The following ZNF618 variants were observed in gnomAD, a reference collection of about 807,000 sequenced individuals.
ZNF618 encodes zinc finger protein 618, also known as neural precursor cell expressed, developmentally down-regulated 10.
Under a neutral mutation model 103.0 loss-of-function variants are expected in ZNF618, and 34 were observed. The ratio of observed to expected loss-of-function variants is 0.33; its 90% CI spans 0.25 to 0.44. The LOEUF (loss-of-function observed/expected upper bound fraction) is 0.44. ZNF618 is among the 20% of genes least tolerant of loss of function. ZNF618 has a pLI of 1.00. For synonymous variants in ZNF618, 551 were observed against 542.2 expected, an observed-to-expected ratio of 1.02 and a Z score of -0.23; for missense variants, 1,059 against 1,295.4, an observed-to-expected ratio of 0.82 and a Z score of 2.80.
chr9:113,900,716 A>G (rs878968853), intron 1 of ZNF618, among the ~76,000 whole-genome samples: 12 of 109,270 alleles, frequency 1.1e-4, no homozygotes, highest in Non-Finnish European at 1.7e-4. Context: ...CCTCTCCCGC[A>G]AACCCGACCT....
chr9:113,913,441 C>T (rs1451453995), intron 1 of ZNF618, among the ~76,000 whole-genome samples: 1 of 152,272 alleles, frequency 6.6e-6, no homozygotes, highest in Non-Finnish European at 1.5e-5. Context: ...AAAGAAAACA[C>T]TAGCAATGTT....
At chr9:113,925,900 T>C (rs1446049652) in intron 1 of ZNF618, among the ~76,000 whole-genome samples, 2 of 152,178 alleles carry the variant, frequency 1.3e-5, no homozygotes, top group African/African-American at 4.8e-5. Context: ...CAAACTGTTA[T>C]CTGTTAGGTA....
chr9:113,949,713 C>T (rs572492619), intron 1 of ZNF618, among the ~76,000 whole-genome samples: 24 of 152,236 alleles, frequency 1.6e-4, no homozygotes, highest in Admixed American at 3.9e-4. Context: ...ACACTGGCTC[C>T]GCCTGGGAAA....
At chr9:114,014,775 T>TC (rs926605723) in intron 9 of ZNF618, among the ~76,000 whole-genome samples, 6 of 152,038 alleles carry the variant, frequency 3.9e-5, no homozygotes, top group Non-Finnish European at 8.8e-5. Context: ...AGAATTTTTT[T>TC]TTCAGTAGGT....
At position 114,052,084 on chromosome 9, in the gene ZNF618, C is replaced by G. The variant is rs1846173064; in HGVS notation, c.*1917C>G. On this transcript the variant is annotated 3_prime_UTR_variant, in exon 15 of 15. Coordinates refer to ENST00000374126, the MANE Select transcript of ZNF618 (RefSeq NM_001318042.2). Reference sequence around the variant, plus strand: ...AAAGCATCACTCAACTGTGAGATACCTCGACTACAAAAAGCACTGTACCAC... The same window carrying G: ...AAAGCATCACTCAACTGTGAGATACGTCGACTACAAAAAGCACTGTACCAC... 6.6e-6 allele frequency: 1 copy of G among 152,614 alleles called. No homozygotes were observed. The highest frequency in any genetic ancestry group is 1.5e-5 in the Non-Finnish European group (1 of 68,060). 9.5% of individuals were successfully genotyped at this position (152,614 alleles called of 1,614,324 possible).
At chr9:114,024,888 G>A (rs111937069) in intron 10 of ZNF618, among the ~76,000 whole-genome samples, 3,228 of 152,090 alleles carry the variant, frequency 0.021, 92 homozygotes, top group African/African-American at 0.057. Context: ...TTAATTTGCC[G>A]TGCAAATTCT....
intron 1 of ZNF618, among the ~76,000 whole-genome samples, chr9:113,914,353 T>G (rs1831858336): frequency 6.6e-6 from 1 of 152,156 alleles, no homozygotes; most frequent in Non-Finnish European, 1.5e-5. Flanking sequence ...CAGCCAGGCC[T>G]TCAAGACGCA....
chr9:114,006,645 T>C (rs1027587737), intron 6 of ZNF618, among the ~76,000 whole-genome samples: 16 of 152,218 alleles, frequency 1.1e-4, no homozygotes, highest in African/African-American at 3.9e-4. Flanking sequence ...TATCCCTCAG[T>C]TTCTAGGGTC....
At chr9:113,980,787 G>A (rs538191754) in intron 2 of ZNF618, among the ~76,000 whole-genome samples, 3 of 152,332 alleles carry the variant, frequency 2.0e-5, no homozygotes, top group African/African-American at 7.2e-5. Context: ...CTGGATGGAG[G>A]AGAGGCAGGC....
chr9:114,032,273 C>A (rs959753165), intron 11 of ZNF618, among the ~76,000 whole-genome samples: 14 of 152,222 alleles, frequency 9.2e-5, no homozygotes, highest in Non-Finnish European at 1.8e-4. Context: ...CAGAATCTGA[C>A]AGGGAGTGGT....
chr9:113,947,209 G>C (rs997658611), intron 1 of ZNF618, among the ~76,000 whole-genome samples: 2 of 152,152 alleles, frequency 1.3e-5, no homozygotes, highest in African/African-American at 2.4e-5. Context: ...TTCTACACTG[G>C]TTGGCTGGGA....
Position 114,036,318 on chromosome 9 carries a change from C to T in ZNF618, c.1187C>T (p.Ala396Val), listed in dbSNP as rs1205500407. 6.3e-7 allele frequency: 1 copy of T among 1,579,256 alleles called. No homozygotes were observed. Among genetic ancestry groups the T allele is most frequent in the East Asian group, 2.3e-5 (1 of 43,250 alleles). Residue 396 changes from alanine to valine, a missense_variant, in exon 13 of 15, where the codon GCC (alanine) becomes GTC (valine). Physicochemically the swap from Ala to Val is moderately conservative, Grantham distance 64. Coordinates refer to ENST00000374126, the MANE Select transcript of ZNF618 (RefSeq NM_001318042.2). ...QNSSEPYTCG[A>V]CGIQFQFYNN... is the part of the protein sequence containing the mutation. ...CCTCCAGAACCCTACACCTGCGGCG[C>T]CTGTGGGATCCAGTTCCAGTTCTAC...
Position 113,897,902 on chromosome 9 carries a change from T to G in ZNF618, c.33+21489T>G, listed in dbSNP as rs115165588. 4.1e-3 allele frequency among the ~76,000 whole-genome samples: 626 copies of G among 152,280 alleles called. 6 individuals carry two copies. The highest frequency in any genetic ancestry group is 0.014 in the African/African-American group (594 of 41,548). ...TCTGCCTCCCAGGTTCAAGCAATTC[T>G]CCTGATTAGCCTCCCGAGTAGCTGG... On this transcript the variant is annotated intron_variant, in intron 1 of 14. Transcript: ENST00000374126.
At chr9:114,011,343 G>A (rs914433370) in intron 9 of ZNF618, among the ~76,000 whole-genome samples, 16 of 152,244 alleles carry the variant, frequency 1.1e-4, no homozygotes, top group African/African-American at 3.1e-4. Context: ...AGAACAAGAT[G>A]AAGTGTGTTC....
intron 1 of ZNF618, among the ~76,000 whole-genome samples, chr9:113,903,961 G>A (rs1409610376): frequency 2.7e-5 from 4 of 149,960 alleles, no homozygotes; most frequent in African/African-American, 9.8e-5. Context: ...GAAAACTTTC[G>A]GCCATTATTT....
intron 1 of ZNF618, among the ~76,000 whole-genome samples, chr9:113,954,256 C>G (rs976010824): frequency 6.6e-6 from 1 of 152,110 alleles, no homozygotes; most frequent in African/African-American, 2.4e-5. Flanking sequence ...AGCCTCTGAT[C>G]GTCATCCCTA....
intron 2 of ZNF618, among the ~76,000 whole-genome samples, chr9:113,971,105 C>T (rs1837919817): frequency 6.6e-6 from 1 of 151,442 alleles, no homozygotes; most frequent in Non-Finnish European, 1.5e-5. Context: ...TGTTTCTCTC[C>T]TGGGTCCCTA....
At chr9:113,948,149 G>A (rs60345313) in intron 1 of ZNF618, among the ~76,000 whole-genome samples, 1,846 of 152,236 alleles carry the variant, frequency 0.012, 45 homozygotes, top group African/African-American at 0.042. Flanking sequence ...CATGCAGTGC[G>A]ACCTCATAAA....
At chr9:113,989,388 T>C (rs1008885474) in intron 3 of ZNF618, among the ~76,000 whole-genome samples, 1 of 152,240 alleles carries the variant, frequency 6.6e-6, no homozygotes, top group Non-Finnish European at 1.5e-5. Context: ...GGAATTCTTT[T>C]GGCTTTAAAT....
Sources: gnomAD v4.1 joint callset for allele counts (sites outside exome capture counted in the v4.1 genomes callset) on GRCh38, gnomAD v4.1.1 for gene constraint, MANE v1.5 for transcripts, NCBI Gene and HGNC (gene_info 2026-07-23, HGNC 2026-07-21) for gene names.